The following AGPAT2 variants were observed in gnomAD, a reference collection of about 807,000 sequenced individuals.
AGPAT2 encodes 1-acyl-sn-glycerol-3-phosphate acyltransferase beta.
AGPAT2 carries 18 observed loss-of-function variants against 26.1 expected under a neutral mutation model. The observed-to-expected ratio is 0.69, with a 90% confidence interval of 0.48 to 1.02. AGPAT2 has a LOEUF of 1.02. Ranked by LOEUF, AGPAT2 falls within the 50% of genes least tolerant of loss-of-function variation. The pLI, the probability that AGPAT2 is intolerant of heterozygous loss-of-function variation, is 0.00. For missense variants in AGPAT2, 415 were observed against 394.9 expected (o/e 1.05, Z -0.43); for synonymous variants, 200 against 174.2 (o/e 1.15, Z -1.16).
At chr9:136,675,179 T>C (rs1486842718) in intron 4 of AGPAT2, among the ~76,000 whole-genome samples, 1 of 152,112 alleles carries the variant, frequency 6.6e-6, no homozygotes, top group Non-Finnish European at 1.5e-5. Context: ...CCCAGTCCTC[T>C]CCATCTCAGG....
intron 2 of AGPAT2, 44 bp downstream of exon 2, chr9:136,677,379 G>A (rs376091077): frequency 1.2e-5 from 19 of 1,612,244 alleles, no homozygotes; most frequent in African/African-American, 4.0e-5. Flanking sequence ...CAGCTCAGCC[G>A]GCCCCACTCA....
chr9:136,673,990 C>T, intron 5 of AGPAT2, 63 bp from the exon 6 acceptor site: 1 of 1,413,704 alleles, frequency 7.1e-7, no homozygotes, highest in Non-Finnish European at 9.3e-7. Context: ...CAGCCTGCTG[C>T]CCTGGCCTCG....
chr9:136,678,801 T>C (rs1404827222), intron 1 of AGPAT2, among the ~76,000 whole-genome samples: 1 of 119,810 alleles, frequency 8.3e-6, no homozygotes, highest in African/African-American at 3.2e-5. Context: ...TGTGACACAA[T>C]GTGTCACATT....
At chr9:136,675,175 C>T (rs1004921031) in intron 4 of AGPAT2, among the ~76,000 whole-genome samples, 15 of 152,176 alleles carry the variant, frequency 9.9e-5, no homozygotes, top group Non-Finnish European at 1.3e-4. Flanking sequence ...CTCTCCCAGT[C>T]CTCTCCATCT....
chr9:136,673,747 C>G lies in AGPAT2; in HGVS notation c.*5G>C, dbSNP rs1228315665. 1.3e-6 allele frequency: 2 copies of G among 1,580,076 alleles called. No individual in the cohort carries two copies. Among genetic ancestry groups the G allele is most frequent in the Admixed American group, 3.6e-5 (2 of 55,494 alleles). ...TCCCCAGGTCATGCCCTGCCGTGGT[C>G]TGGGCTACTGGGCCGGCTGCACGCC... On this transcript the variant is annotated 3_prime_UTR_variant, in exon 6 of 6. Transcript: ENST00000371696.
At chr9:136,679,126 C>T (rs960070312) in intron 1 of AGPAT2, among the ~76,000 whole-genome samples, 7 of 152,226 alleles carry the variant, frequency 4.6e-5, no homozygotes, top group African/African-American at 1.7e-4. Flanking sequence ...GTGCACAGTT[C>T]ATGGGCGCTG....
At chr9:136,682,229 C>T (rs942580628) in intron 1 of AGPAT2, among the ~76,000 whole-genome samples, 57 of 152,148 alleles carry the variant, frequency 3.7e-4, no homozygotes, top group African/African-American at 1.4e-3. Flanking sequence ...CCCCGGGCTC[C>T]GCAGTCCCCT....
chr9:136,685,010 C>G (rs950145286), intron 1 of AGPAT2, among the ~76,000 whole-genome samples: 2 of 152,222 alleles, frequency 1.3e-5, no homozygotes, highest in Non-Finnish European at 2.9e-5. Flanking sequence ...CAGCCCCACT[C>G]TTAGCCATTG....
chr9:136,685,712 C>T (rs1320272658), intron 1 of AGPAT2, among the ~76,000 whole-genome samples: 1 of 152,186 alleles, frequency 6.6e-6, no homozygotes, highest in Non-Finnish European at 1.5e-5. Flanking sequence ...AACCCACAGA[C>T]TGGCCCCTCC....
At chr9:136,677,277 G>A in intron 2 of AGPAT2, 141 bp from the exon 3 acceptor site, 1 of 1,503,144 alleles carries the variant, frequency 6.7e-7, no homozygotes, top group South Asian at 1.2e-5. Flanking sequence ...CCGAGCCTCT[G>A]TGTCTGGCCC....
chr9:136,687,391 C>T lies in AGPAT2; in HGVS notation c.-34G>A. 7.2e-7 allele frequency: 1 copy of T among 1,384,788 alleles called. No homozygotes were observed. The allele number at this position is 1,384,788 out of a possible 1,614,324, so 85.8% of individuals were successfully genotyped here. ...CCGGCGCCCGACGGCGCCGCCAGCT[C>T]GCTCCCGCTCCCGCTCCCGCTTCTC... On this transcript the variant is annotated 5_prime_UTR_variant, in exon 1 of 6. Coordinates refer to ENST00000371696, the MANE Select transcript of AGPAT2 (RefSeq NM_006412.4).
At chr9:136,676,918 A>AC in intron 3 of AGPAT2, 43 bp downstream of exon 3, 18 of 519,988 alleles carry the variant, frequency 3.5e-5, no homozygotes, top group Non-Finnish European at 4.8e-5. Context: ...GGCCCCGCCC[A>AC]GGCCCCACCC....
Position 136,674,719 on chromosome 9 carries a change from A to G in AGPAT2, c.661+16T>C. ...CAGGCGGGGCCTACACCCCGGGTGC[A>G]CACATGTGGGGGTACCTGAAGTGAA... On this transcript the variant is annotated intron_variant, in intron 5 of 5. Transcript: ENST00000371696. 6.9e-7 allele frequency: 1 copy of G among 1,443,092 alleles called. No homozygotes were observed. The highest frequency in any genetic ancestry group is 1.5e-5 in the African/African-American group (1 of 68,780). The allele number at this position is 1,443,092 out of a possible 1,614,324, so 89.4% of individuals were successfully genotyped here.
At chr9:136,675,812 C>T (rs1030896487) in intron 4 of AGPAT2, among the ~76,000 whole-genome samples, 1 of 152,168 alleles carries the variant, frequency 6.6e-6, no homozygotes, top group Non-Finnish European at 1.5e-5. Context: ...CCCAGCCCAG[C>T]GCCTCCGGGG....
Sources: gnomAD v4.1 joint callset for allele counts (sites outside exome capture counted in the v4.1 genomes callset) on GRCh38, gnomAD v4.1.1 for gene constraint, MANE v1.5 for transcripts, NCBI Gene and HGNC (gene_info 2026-07-23, HGNC 2026-07-21) for gene names.